Variants in YAP1 observed in about 807,000 individuals in gnomAD.
YAP1 encodes transcriptional coactivator YAP1.
A neutral mutation model predicts 56.9 loss-of-function variants in YAP1; 5 were observed. That is an observed-to-expected ratio of 0.09 (90% CI 0.05 to 0.18). The LOEUF (loss-of-function observed/expected upper bound fraction) is 0.18, where lower values mean the gene tolerates loss of function less well. YAP1 is among the 10% of genes least tolerant of loss of function. The pLI, the probability that YAP1 is intolerant of heterozygous loss-of-function variation, is 1.00. For synonymous variants in YAP1, 265 were observed against 248.1 expected (o/e 1.07, Z -0.64); for missense variants, 539 against 651.8 (o/e 0.83, Z 1.88).
intron 3 of YAP1, among the ~76,000 whole-genome samples, chr11:102,171,541 G>C (rs1346914798): frequency 3.9e-5 from 6 of 152,040 alleles, no homozygotes; most frequent in Non-Finnish European, 8.8e-5. Context: ...TTTTCCTTCG[G>C]CAAAACTTTA....
chr11:102,143,037 G>A (rs1359832810), intron 2 of YAP1, among the ~76,000 whole-genome samples: 4 of 152,168 alleles, frequency 2.6e-5, no homozygotes, highest in South Asian at 4.1e-4. Context: ...AAGAGATTAA[G>A]TAACTTAAAC....
intron 2 of YAP1, among the ~76,000 whole-genome samples, chr11:102,152,269 G>T (rs1945700636): frequency 6.6e-6 from 1 of 152,206 alleles, no homozygotes; most frequent in African/African-American, 2.4e-5. Flanking sequence ...TCTGTAAGAT[G>T]CTGATGAAAC....
At chr11:102,157,582 T>G (rs530242854) in intron 2 of YAP1, among the ~76,000 whole-genome samples, 2 of 152,346 alleles carry the variant, frequency 1.3e-5, no homozygotes, top group East Asian at 3.9e-4. Flanking sequence ...CCAGTTTTAT[T>G]GTTTACTAAA....
chr11:102,171,073 G>T (rs1436762128), intron 3 of YAP1, among the ~76,000 whole-genome samples: 1 of 151,876 alleles, frequency 6.6e-6, no homozygotes, highest in Non-Finnish European at 1.5e-5. Context: ...AGAAGTATTT[G>T]TGTTCAACTT....
At chr11:102,211,034 C>G (rs760374179) in intron 6 of YAP1, among the ~76,000 whole-genome samples, 1 of 152,078 alleles carries the variant, frequency 6.6e-6, no homozygotes, top group African/African-American at 2.4e-5. Context: ...GGATTACAGG[C>G]GTGAGCCACC....
intron 3 of YAP1, among the ~76,000 whole-genome samples, chr11:102,182,200 G>C (rs1316205807): frequency 6.6e-6 from 1 of 152,202 alleles, no homozygotes; most frequent in Non-Finnish European, 1.5e-5. Flanking sequence ...GAATCAAAAA[G>C]TATAGGGGTA....
chr11:102,191,934 A>G (rs1488929230), intron 4 of YAP1, among the ~76,000 whole-genome samples: 1 of 152,140 alleles, frequency 6.6e-6, no homozygotes, highest in Non-Finnish European at 1.5e-5. Flanking sequence ...TCTACCTCCC[A>G]AAGTGCTGAG....
intron 6 of YAP1, among the ~76,000 whole-genome samples, chr11:102,210,531 C>G (rs1213882172): frequency 1.3e-5 from 2 of 152,144 alleles, no homozygotes; most frequent in East Asian, 1.9e-4. Context: ...TCTTCTTTAT[C>G]TATCTCATAA....
chr11:102,155,417 A>G (rs1246176803), intron 2 of YAP1, among the ~76,000 whole-genome samples: 1 of 152,126 alleles, frequency 6.6e-6, no homozygotes, highest in African/African-American at 2.4e-5. Flanking sequence ...TCCCCAAGTT[A>G]TTTTGCTAAC....
chr11:102,176,561 A>G (rs908702256), intron 3 of YAP1, among the ~76,000 whole-genome samples: 3 of 151,820 alleles, frequency 2.0e-5, no homozygotes, highest in African/African-American at 2.4e-5. Flanking sequence ...CCTGGCCAAC[A>G]TGGTGAAACC....
At position 102,232,320 on chromosome 11, in the gene YAP1, A is replaced by T. The variant is rs1950460793; in HGVS notation, c.*2380A>T. The T allele has an allele frequency of 6.6e-6, 1 of 151,764 alleles. No individual in the cohort carries two copies. The highest frequency in any genetic ancestry group is 2.4e-5 in the African/African-American group (1 of 41,246). The allele number at this position is 151,764 out of a possible 1,614,324, so 9.4% of individuals were successfully genotyped here. On this transcript the variant is annotated 3_prime_UTR_variant, in exon 9 of 9. Coordinates refer to ENST00000282441, the MANE Select transcript of YAP1 (RefSeq NM_001130145.3). ...AGATTTAGGGGGACCTTGATAGAGA[A>T]CTTTATAAACTTCTTTCTCTTTAAT... is the stretch of plus-strand genomic sequence containing the variant.
chr11:102,158,168 T>C (rs1946061517), intron 2 of YAP1, among the ~76,000 whole-genome samples: 2 of 152,194 alleles, frequency 1.3e-5, no homozygotes, highest in Non-Finnish European at 2.9e-5. Flanking sequence ...AGAAGAAACA[T>C]ATTTTCAAAA....
At chr11:102,190,972 A>G (rs979521598) in intron 4 of YAP1, among the ~76,000 whole-genome samples, 6 of 151,984 alleles carry the variant, frequency 3.9e-5, no homozygotes, top group Non-Finnish European at 5.9e-5. Flanking sequence ...GTTAGAGATC[A>G]AGACCATCCT....
intron 2 of YAP1, among the ~76,000 whole-genome samples, chr11:102,149,836 C>T (rs748729244): frequency 6.6e-6 from 1 of 152,110 alleles, no homozygotes; most frequent in African/African-American, 2.4e-5. Context: ...CCTGACATCA[C>T]CTGGCATGAT....
intron 5 of YAP1, among the ~76,000 whole-genome samples, chr11:102,207,738 G>C (rs1039577695): frequency 2.0e-5 from 3 of 152,162 alleles, no homozygotes; most frequent in Non-Finnish European, 4.4e-5. Flanking sequence ...TCTGAGACAG[G>C]CTCACGTTGA....
intron 2 of YAP1, among the ~76,000 whole-genome samples, chr11:102,160,550 C>A (rs989708914): frequency 6.6e-6 from 1 of 152,182 alleles, no homozygotes; most frequent in Non-Finnish European, 1.5e-5. Context: ...TAAAAGGATT[C>A]TCTGTAAAAA....
At chr11:102,203,473 C>A (rs1009034824) in intron 4 of YAP1, among the ~76,000 whole-genome samples, 1 of 152,182 alleles carries the variant, frequency 6.6e-6, no homozygotes, top group South Asian at 2.1e-4. Context: ...AAAGAAGGCC[C>A]TGTCTTTTTA....
chr11:102,201,019 A>G (rs1170041812), intron 4 of YAP1, among the ~76,000 whole-genome samples: 1 of 152,208 alleles, frequency 6.6e-6, no homozygotes, highest in Non-Finnish European at 1.5e-5. Context: ...AAATTTGGCG[A>G]TATCTAGCAA....
At chr11:102,159,531 C>T (rs1458744670) in intron 2 of YAP1, among the ~76,000 whole-genome samples, 1 of 152,218 alleles carries the variant, frequency 6.6e-6, no homozygotes, top group African/African-American at 2.4e-5. Flanking sequence ...ACTCTTATCT[C>T]ATTTTTAACA....
Sources: gnomAD v4.1 joint callset for allele counts (sites outside exome capture counted in the v4.1 genomes callset) on GRCh38, gnomAD v4.1.1 for gene constraint, MANE v1.5 for transcripts, NCBI Gene and HGNC (gene_info 2026-07-23, HGNC 2026-07-21) for gene names.